OLFM3: variants seen among roughly 807,000 people sequenced by gnomAD.
OLFM3 encodes the protein olfactomedin 3.
OLFM3 carries 20 observed loss-of-function variants against 48.6 expected under a neutral mutation model. That is an observed-to-expected ratio of 0.41 (90% CI 0.29 to 0.60). The LOEUF (loss-of-function observed/expected upper bound fraction) is 0.60, where lower values mean the gene tolerates loss of function less well. Among genes scored for constraint, OLFM3 ranks in the 20% least tolerant of loss-of-function variants. OLFM3 has a pLI of 0.28. For synonymous variants in OLFM3, 222 were observed against 198.1 expected, an observed-to-expected ratio of 1.12 and a Z score of -1.01; for missense variants, 437 against 544.3, an observed-to-expected ratio of 0.80 and a Z score of 1.96.
chr1:101,914,533 G>A (rs1658862616), intron 1 of OLFM3, among the ~76,000 whole-genome samples: 1 of 152,150 alleles, frequency 6.6e-6, no homozygotes, highest in Non-Finnish European at 1.5e-5. Context: ...TCAGTTTTTA[G>A]AATACTATTT....
intron 1 of OLFM3, among the ~76,000 whole-genome samples, chr1:101,873,016 C>A (rs1287198744): frequency 6.6e-6 from 1 of 151,812 alleles, no homozygotes. Flanking sequence ...TCAGTGAATA[C>A]TTAAAATTTT....
intron 1 of OLFM3, among the ~76,000 whole-genome samples, chr1:101,963,487 A>T (rs1035522018): frequency 6.7e-6 from 1 of 150,124 alleles, no homozygotes; most frequent in African/African-American, 2.5e-5. Context: ...AGAAGGTAGC[A>T]CCACAGGCAT....
At chr1:101,934,768 C>T (rs1266610996) in intron 1 of OLFM3, among the ~76,000 whole-genome samples, 1 of 151,924 alleles carries the variant, frequency 6.6e-6, no homozygotes, top group Non-Finnish European at 1.5e-5. Context: ...CACCAAAACA[C>T]TTTTTGACCT....
At chr1:101,902,384 C>T (rs753920944) in intron 1 of OLFM3, among the ~76,000 whole-genome samples, 2 of 151,778 alleles carry the variant, frequency 1.3e-5, no homozygotes, top group Non-Finnish European at 2.9e-5. Context: ...GGCAGCAAGA[C>T]AGGGGGACAG....
chr1:101,830,249 A>C (rs1189366104), intron 3 of OLFM3, among the ~76,000 whole-genome samples: 1 of 152,172 alleles, frequency 6.6e-6, no homozygotes, highest in African/African-American at 2.4e-5. Flanking sequence ...TACAACACTT[A>C]AAATCTAGAA....
chr1:101,818,152 T>A (rs1307971399), intron 4 of OLFM3, among the ~76,000 whole-genome samples: 1 of 152,140 alleles, frequency 6.6e-6, no homozygotes, highest in African/African-American at 2.4e-5. Context: ...TATGAACATA[T>A]CTTTAAGGAG....
rs762995579 is a variant in OLFM3, at chr1:101,836,951, T to A, written c.144A>T (p.Thr48=). 1 of 1,614,046 alleles carries A rather than the reference T, an allele frequency of 6.2e-7. No individual in the cohort carries two copies. Among genetic ancestry groups the A allele is most frequent in the African/African-American group, 1.3e-5 (1 of 74,938 alleles). The change falls in exon 2 of 6, where the codon ACA becomes ACT. Residue 48 remains threonine (T), a synonymous_variant. Coordinates refer to ENST00000370103, the MANE Select transcript of OLFM3 (RefSeq NM_058170.4). The stretch of plus-strand genomic sequence containing the variant: ...ACAGGTTTTGTTCTGGAGCAACAAC[T>A]GTGCAAATGCACCGCCCATCAGGAT... ...AQDPDGRCIC[T]VVAPEQNLCS...
chr1:101,842,754 G>A (rs1655790039), intron 1 of OLFM3, among the ~76,000 whole-genome samples: 1 of 152,176 alleles, frequency 6.6e-6, no homozygotes, highest in African/African-American at 2.4e-5. Flanking sequence ...CTCCACTGAA[G>A]AAAAGCAGGG....
intron 1 of OLFM3, among the ~76,000 whole-genome samples, chr1:101,895,396 T>C (rs899280913): frequency 2.0e-5 from 3 of 148,180 alleles, no homozygotes; most frequent in Admixed American, 6.8e-5. Context: ...TATTCTACCT[T>C]GGTAAAGCTC....
intron 1 of OLFM3, chr1:101,910,230 G>C (rs1418220899): frequency 2.1e-5 from 12 of 567,712 alleles, no homozygotes; most frequent in Non-Finnish European, 2.7e-5. Context: ...ACTTTGGGAG[G>C]CCGAGGCGGG....
intron 2 of OLFM3, 118 bp from the exon 3 acceptor site, chr1:101,830,945 T>C (rs1416510006): frequency 3.9e-6 from 3 of 766,256 alleles, no homozygotes; most frequent in South Asian, 1.8e-5. Context: ...CATAACTGGG[T>C]TCCCATATGA....
At chr1:101,988,920 G>T (rs1366292798) in intron 1 of OLFM3, among the ~76,000 whole-genome samples, 1 of 152,070 alleles carries the variant, frequency 6.6e-6, no homozygotes. Flanking sequence ...CAAATTTGGG[G>T]TAGGGAGGAA....
At chr1:101,874,080 G>A (rs1312167430) in intron 1 of OLFM3, among the ~76,000 whole-genome samples, 4 of 151,840 alleles carry the variant, frequency 2.6e-5, no homozygotes, top group South Asian at 2.1e-4. Flanking sequence ...AATCATCGTA[G>A]CTTTGTAGTC....
chr1:101,977,900 A>G (rs1660998798), intron 1 of OLFM3, among the ~76,000 whole-genome samples: 3 of 152,150 alleles, frequency 2.0e-5, no homozygotes, highest in Non-Finnish European at 2.9e-5. Flanking sequence ...AGAGTTTATG[A>G]AAAATAATAT....
intron 1 of OLFM3, among the ~76,000 whole-genome samples, chr1:101,913,027 C>CA (rs1178670791): frequency 1.3e-5 from 2 of 151,730 alleles, no homozygotes; most frequent in African/African-American, 4.8e-5. Context: ...AATTTCAAAG[C>CA]AAAAAAAGAT....
intron 1 of OLFM3, among the ~76,000 whole-genome samples, chr1:101,886,209 C>A (rs1570597881): frequency 6.6e-6 from 1 of 151,610 alleles, no homozygotes; most frequent in East Asian, 1.9e-4. Context: ...CACAACCACC[C>A]AAGATTTGAA....
chr1:101,836,772 A>G, intron 2 of OLFM3, 107 bp downstream of exon 2: 1 of 1,169,312 alleles, frequency 8.6e-7, no homozygotes, highest in Non-Finnish European at 1.2e-6. Flanking sequence ...GAGAAGGGGG[A>G]CAAAAATCAA....
chr1:101,972,524 T>G (rs75809008), intron 1 of OLFM3, among the ~76,000 whole-genome samples: 140 of 152,308 alleles, frequency 9.2e-4, no homozygotes, highest in African/African-American at 3.0e-3. Context: ...TGGAAAACAT[T>G]TTAAAAATGA....
At chr1:101,826,207 C>T (rs1654858818) in intron 3 of OLFM3, among the ~76,000 whole-genome samples, 1 of 151,814 alleles carries the variant, frequency 6.6e-6, no homozygotes, top group Admixed American at 6.6e-5. Context: ...TCCCTCACCC[C>T]TAGCCGTAAC....
Sources: gnomAD v4.1 joint callset for allele counts (sites outside exome capture counted in the v4.1 genomes callset) on GRCh38, gnomAD v4.1.1 for gene constraint, MANE v1.5 for transcripts, NCBI Gene and HGNC (gene_info 2026-07-23, HGNC 2026-07-21) for gene names.